The following SLC8A1 variants were observed in gnomAD, a reference collection of about 807,000 sequenced individuals.
The protein encoded by SLC8A1 is solute carrier family 8 member A1.
In SLC8A1, 18 loss-of-function variants were observed where a neutral mutation model predicts 68.3. That is an observed-to-expected ratio of 0.26 (90% CI 0.18 to 0.39). The LOEUF is 0.39. Among genes scored for constraint, SLC8A1 ranks in the 10% least tolerant of loss-of-function variants. The probability of loss-of-function intolerance (pLI) is 1.00; values close to 1 mark genes in which losing one functional copy is unlikely to be tolerated. For missense variants in SLC8A1, 985 were observed against 1,156.7 expected, an observed-to-expected ratio of 0.85 and a Z score of 2.15; for synonymous variants, 475 against 415.5, an observed-to-expected ratio of 1.14 and a Z score of -1.74.
intron 2 of SLC8A1, among the ~76,000 whole-genome samples, chr2:40,390,963 G>A (rs1685058654): frequency 6.6e-6 from 1 of 152,054 alleles, no homozygotes; most frequent in Non-Finnish European, 1.5e-5. Flanking sequence ...GCTCTTTGTG[G>A]ATATATTTGG....
intron 2 of SLC8A1, among the ~76,000 whole-genome samples, chr2:40,232,744 T>TCCCCC (rs1344286548): frequency 3.9e-5 from 2 of 51,300 alleles, no homozygotes; most frequent in African/African-American, 6.5e-5. Flanking sequence ...GTGCTATCCC[T>TCCCCC]CCCCCCCCGC....
At chr2:40,438,327 T>A (rs1485617177) in intron 1 of SLC8A1, among the ~76,000 whole-genome samples, 1 of 152,130 alleles carries the variant, frequency 6.6e-6, no homozygotes, top group African/African-American at 2.4e-5. Flanking sequence ...CAAAAAGGAT[T>A]TTCTACCTAA....
At chr2:40,139,269 T>C (rs2041118902) in intron 7 of SLC8A1, 132 bp downstream of exon 10, 3 of 1,002,980 alleles carry the variant, frequency 3.0e-6, no homozygotes, top group Non-Finnish European at 4.4e-6. Flanking sequence ...AACATTTATT[T>C]ATACCTCAGG....
intron 2 of SLC8A1, among the ~76,000 whole-genome samples, chr2:40,391,208 CTGTG>C (rs1553562288): frequency 8.7e-5 from 3 of 34,536 alleles, no homozygotes; most frequent in African/African-American, 6.1e-4. Flanking sequence ...ACACATATGT[CTGTG>C]TGTATGTGTG....
At chr2:40,376,937 C>G (rs1027003566) in intron 2 of SLC8A1, among the ~76,000 whole-genome samples, 4 of 151,992 alleles carry the variant, frequency 2.6e-5, no homozygotes, top group Non-Finnish European at 4.4e-5. Flanking sequence ...AGATGACCCC[C>G]ATGAACCATG....
chr2:40,346,261 G>A (rs751002752), intron 2 of SLC8A1, among the ~76,000 whole-genome samples: 1 of 152,042 alleles, frequency 6.6e-6, no homozygotes, highest in Non-Finnish European at 1.5e-5. Context: ...CGAGATGGCT[G>A]AGACTCCCCT....
chr2:40,244,973 CAA>C (rs778352798), intron 2 of SLC8A1, among the ~76,000 whole-genome samples: 21 of 152,122 alleles, frequency 1.4e-4, no homozygotes, highest in Non-Finnish European at 2.5e-4. Context: ...CCTAGGAAAT[CAA>C]AAACCATTTG....
chr2:40,210,238 G>GATGCT (rs1393658219), intron 2 of SLC8A1, among the ~76,000 whole-genome samples: 1 of 152,146 alleles, frequency 6.6e-6, no homozygotes, highest in Non-Finnish European at 1.5e-5. Context: ...CTTGGGAATT[G>GATGCT]ATGCTATAAG....
At chr2:40,397,077 A>T (rs1687216889) in intron 2 of SLC8A1, among the ~76,000 whole-genome samples, 1 of 152,338 alleles carries the variant, frequency 6.6e-6, no homozygotes, top group Middle Eastern at 3.4e-3. Context: ...TCCGTGGATC[A>T]GTTAATTTTA....
chr2:40,376,664 A>G (rs1255284361), intron 2 of SLC8A1, among the ~76,000 whole-genome samples: 3 of 152,128 alleles, frequency 2.0e-5, no homozygotes, highest in South Asian at 2.1e-4. Context: ...CCAGGCAACC[A>G]TGGAGTCACT....
At chr2:40,410,277 T>C (rs1054749696) in intron 2 of SLC8A1, among the ~76,000 whole-genome samples, 4 of 152,030 alleles carry the variant, frequency 2.6e-5, no homozygotes. Context: ...TTACCAGAAA[T>C]ACCAGCAAAA....
chr2:40,376,129 A>G (rs1203881360), intron 2 of SLC8A1, among the ~76,000 whole-genome samples: 1 of 152,116 alleles, frequency 6.6e-6, no homozygotes, highest in Admixed American at 6.6e-5. Context: ...ATTTTTTTCC[A>G]ACATCTTTGT....
chr2:40,484,331 G>A (rs1052361481), intron 1 of SLC8A1, among the ~76,000 whole-genome samples: 1 of 152,198 alleles, frequency 6.6e-6, no homozygotes, highest in African/African-American at 2.4e-5. Flanking sequence ...CAATGCCAGA[G>A]GAACTGTGGT....
At chr2:40,441,912 C>A (rs1576517644) in intron 1 of SLC8A1, among the ~76,000 whole-genome samples, 1 of 151,832 alleles carries the variant, frequency 6.6e-6, no homozygotes, top group Non-Finnish European at 1.5e-5. Context: ...CCAAAATTGA[C>A]AAATGGGATG....
At chr2:40,297,811 G>T (rs951833939) in intron 2 of SLC8A1, among the ~76,000 whole-genome samples, 8 of 152,132 alleles carry the variant, frequency 5.3e-5, no homozygotes, top group African/African-American at 1.9e-4. Flanking sequence ...AAGAGGAGGG[G>T]CTACTATTAT....
intron 1 of SLC8A1, among the ~76,000 whole-genome samples, chr2:40,496,817 C>T (rs1406626753): frequency 2.0e-5 from 3 of 150,406 alleles, no homozygotes; most frequent in Admixed American, 6.7e-5. Flanking sequence ...AGTAAACTAC[C>T]GCAAGAACAA....
chr2:40,221,169 A>C (rs1005745283), intron 2 of SLC8A1, among the ~76,000 whole-genome samples: 14 of 152,168 alleles, frequency 9.2e-5, no homozygotes, highest in African/African-American at 3.4e-4. Flanking sequence ...AGCACATCAA[A>C]AACCTTATCC....
intron 2 of SLC8A1, among the ~76,000 whole-genome samples, chr2:40,183,799 C>T (rs997143351): frequency 5.3e-5 from 8 of 152,122 alleles, no homozygotes; most frequent in Non-Finnish European, 1.0e-4. Flanking sequence ...ACTAGAAATA[C>T]CTAAACCCAC....
At chr2:40,200,499 G>A (rs2054154339) in intron 2 of SLC8A1, among the ~76,000 whole-genome samples, 1 of 150,134 alleles carries the variant, frequency 6.7e-6, no homozygotes, top group Admixed American at 6.7e-5. Flanking sequence ...CCAAATCAAG[G>A]GCCAGAATCC....
Sources: allele counts gnomAD v4.1 joint callset (sites outside exome capture counted in the v4.1 genomes callset), GRCh38; gene constraint gnomAD v4.1.1; transcripts MANE v1.5; gene names NCBI Gene and HGNC (gene_info 2026-07-23, HGNC 2026-07-21).